DENND1A: variants seen among roughly 807,000 people sequenced by gnomAD.
DENND1A encodes the protein DENN domain-containing protein 1A.
DENND1A carries 51 observed loss-of-function variants against 113.7 expected under a neutral mutation model. That is an observed-to-expected ratio of 0.45 (90% confidence interval 0.36 to 0.57). The LOEUF is 0.57. Ranked by LOEUF, DENND1A falls within the 20% of genes least tolerant of loss-of-function variation. The pLI is 0.00. For missense variants in DENND1A, 1,258 were observed against 1,395.9 expected (o/e 0.90, Z 1.57); for synonymous variants, 565 against 570.8 (o/e 0.99, Z 0.14).
intron 13 of DENND1A, among the ~76,000 whole-genome samples, chr9:123,535,112 C>T (rs2055635835): frequency 1.3e-5 from 2 of 152,228 alleles, no homozygotes; most frequent in Admixed American, 1.3e-4. Flanking sequence ...ACCATTTCCA[C>T]TGACCACAGT....
chr9:123,851,433 A>C (rs1034064261), intron 2 of DENND1A, among the ~76,000 whole-genome samples: 1 of 152,232 alleles, frequency 6.6e-6, no homozygotes, highest in African/African-American at 2.4e-5. Context: ...CTCTCCAGAC[A>C]ATAAATGATG....
chr9:123,714,631 T>G (rs2066857011), intron 5 of DENND1A, among the ~76,000 whole-genome samples: 1 of 151,810 alleles, frequency 6.6e-6, no homozygotes, highest in South Asian at 2.1e-4. Context: ...AAAAACCTAC[T>G]CTCAGAGTCA....
At chr9:123,860,174 T>A (rs914348569) in intron 2 of DENND1A, among the ~76,000 whole-genome samples, 2 of 152,194 alleles carry the variant, frequency 1.3e-5, no homozygotes, top group Non-Finnish European at 2.9e-5. Context: ...GGTCTCTAAA[T>A]ACTTTAGGGA....
chr9:123,756,192 G>A (rs2070526697), intron 5 of DENND1A, among the ~76,000 whole-genome samples: 1 of 152,160 alleles, frequency 6.6e-6, no homozygotes, highest in African/African-American at 2.4e-5. Context: ...GATTACAGTC[G>A]TGAGCTACCG....
At chr9:123,648,089 G>T (rs560581980) in intron 9 of DENND1A, among the ~76,000 whole-genome samples, 1 of 152,228 alleles carries the variant, frequency 6.6e-6, no homozygotes, top group Admixed American at 6.5e-5. Context: ...GGTTTTGTTT[G>T]TTTTTTCAGA....
intron 19 of DENND1A, among the ~76,000 whole-genome samples, chr9:123,424,188 G>A (rs2045536810): frequency 6.6e-6 from 1 of 152,198 alleles, no homozygotes; most frequent in Non-Finnish European, 1.5e-5. Flanking sequence ...CTGCCCCTGA[G>A]CAGAAACTTC....
chr9:123,538,833 T>C (rs2056039971), intron 13 of DENND1A, among the ~76,000 whole-genome samples: 2 of 119,408 alleles, frequency 1.7e-5, no homozygotes, highest in African/African-American at 3.2e-5. Flanking sequence ...TATATATATA[T>C]ATATATATAT....
intron 2 of DENND1A, among the ~76,000 whole-genome samples, chr9:123,849,601 C>A (rs1482835021): frequency 1.3e-5 from 2 of 152,216 alleles, no homozygotes; most frequent in Non-Finnish European, 2.9e-5. Context: ...GCTAACACAA[C>A]ATCCATTCTG....
At chr9:123,711,489 A>T in intron 5 of DENND1A, among the ~76,000 whole-genome samples, 1 of 61,060 alleles carries the variant, frequency 1.6e-5, no homozygotes, top group East Asian at 3.9e-4. Flanking sequence ...ATTAAAAAAT[A>T]TATATATATA....
chr9:123,601,125 T>G (rs2059918112), intron 11 of DENND1A, among the ~76,000 whole-genome samples: 1 of 152,192 alleles, frequency 6.6e-6, no homozygotes, highest in African/African-American at 2.4e-5. Flanking sequence ...TCAATGATGG[T>G]TTCACATTTT....
chr9:123,788,622 C>T (rs1832548280), intron 3 of DENND1A, among the ~76,000 whole-genome samples: 4 of 151,966 alleles, frequency 2.6e-5, no homozygotes, highest in Admixed American at 1.3e-4. Flanking sequence ...TTTTTTCTTA[C>T]TTTTAATGTC....
intron 21 of DENND1A, chr9:123,402,403 C>A (rs1268665216): frequency 4.6e-6 from 2 of 433,248 alleles, no homozygotes; most frequent in African/African-American, 4.1e-5. Context: ...GGGTTAGGCC[C>A]CAGCTTGACA....
intron 2 of DENND1A, among the ~76,000 whole-genome samples, chr9:123,837,971 C>A (rs562239): frequency 0.25 from 38,641 of 152,062 alleles, 8,982 homozygotes; most frequent in African/African-American, 0.62. Context: ...ATTAAAAATA[C>A]GAAACAACTT....
intron 13 of DENND1A, among the ~76,000 whole-genome samples, chr9:123,480,882 T>A (rs2050279934): frequency 6.6e-6 from 1 of 152,190 alleles, no homozygotes; most frequent in Non-Finnish European, 1.5e-5. Flanking sequence ...AGTAAAAGGA[T>A]ACCAAGATAG....
chr9:123,884,519 C>T (rs1359226544), intron 1 of DENND1A, among the ~76,000 whole-genome samples: 1 of 151,678 alleles, frequency 6.6e-6, no homozygotes, highest in Non-Finnish European at 1.5e-5. Context: ...TTTTTTGCCT[C>T]CCACCCCCCA....
chr9:123,457,532 T>C, intron 14 of DENND1A, 97 bp from the exon 15 acceptor site: 2 of 1,060,452 alleles, frequency 1.9e-6, no homozygotes, highest in East Asian at 4.8e-5. Flanking sequence ...GTAGGAGTTT[T>C]CAAAAAGTAA....
Position 123,381,753 on chromosome 9 carries a change from G to T in DENND1A, c.2892C>A (p.Thr964=), listed in dbSNP as rs1460915212. ...CCAGCGGCTGTAGGGGGCTCGTGTG[G>T]GTGCCCATGGGCATCTGGCCAAAGA... ...PNLFGQMPMG[T]HTSPLQPLGP... The change falls in exon 24 of 24, where the codon ACC becomes ACA. Residue 964 remains threonine, a synonymous_variant. Coordinates refer to ENST00000394215, the MANE Select transcript of DENND1A (RefSeq NM_001352964.2). This position sits in a 1 kb window ranked among gnomAD's most constrained non-coding sequence, Gnocchi z 4.7. 2.0e-6 allele frequency: 3 copies of T among 1,509,944 alleles called. No individual in the cohort carries two copies. Among genetic ancestry groups the T allele is most frequent in the South Asian group, 2.6e-5 (2 of 76,618 alleles). The allele number at this position is 1,509,944 out of a possible 1,614,324, so 93.5% of individuals were successfully genotyped here. A position where few individuals can be genotyped will look rare whatever the true frequency, so the allele number is the denominator to read the frequency against.
intron 5 of DENND1A, among the ~76,000 whole-genome samples, chr9:123,731,976 C>A (rs931085315): frequency 1.3e-5 from 2 of 152,166 alleles, no homozygotes; most frequent in Non-Finnish European, 2.9e-5. Context: ...GCCCCAATCA[C>A]TGATTATTAG....
intron 4 of DENND1A, among the ~76,000 whole-genome samples, chr9:123,763,138 A>G (rs2071184690): frequency 6.6e-6 from 1 of 151,818 alleles, no homozygotes. Flanking sequence ...GATTTTGATC[A>G]AGAGAAAAAC....
Sources: gnomAD v4.1 joint callset for allele counts (sites outside exome capture counted in the v4.1 genomes callset) on GRCh38, gnomAD v4.1.1 for gene constraint, Gnocchi (gnomAD v3.1) non-coding constraint, MANE v1.5 for transcripts, NCBI Gene and HGNC (gene_info 2026-07-23, HGNC 2026-07-21) for gene names.